Variants in NDUFA5 observed in about 807,000 individuals in gnomAD.
NDUFA5 encodes NADH:ubiquinone oxidoreductase subunit A5, also known as NADH dehydrogenase [ubiquinone] 1 alpha subcomplex subunit 5.
Under a neutral mutation model 19.8 loss-of-function variants are expected in NDUFA5, and 11 were observed. That is an observed-to-expected ratio of 0.56 (90% CI 0.35 to 0.92). The LOEUF is 0.92. Among genes scored for constraint, NDUFA5 ranks in the 40% least tolerant of loss-of-function variants. The pLI, the probability that NDUFA5 is intolerant of heterozygous loss-of-function variation, is 0.01. For missense variants in NDUFA5, 109 were observed against 134.2 expected, an observed-to-expected ratio of 0.81 and a Z score of 0.93; for synonymous variants, 47 against 46.8, an observed-to-expected ratio of 1.00 and a Z score of -0.01.
chr7:123,542,287 TGA>T, intron 4 of NDUFA5, 67 bp from the exon 5 acceptor site: 2 of 1,207,522 alleles, frequency 1.7e-6, no homozygotes, highest in Non-Finnish European at 2.4e-6. Context: ...TCAGAACAAC[TGA>T]AATTTAACTA....
At position 123,540,875 on chromosome 7, in the gene NDUFA5, T is replaced by TGTGCGC. The variant is rs1797905621; in HGVS notation, c.*1238_*1243dup. 7.5e-6 allele frequency: 1 copy of TGTGCGC among 133,996 alleles called. No individual in the cohort carries two copies. The highest frequency in any genetic ancestry group is 7.7e-5 in the Admixed American group (1 of 13,026). 8.3% of individuals were successfully genotyped at this position (133,996 alleles called of 1,614,324 possible). A position where few individuals can be genotyped will look rare whatever the true frequency, so the allele number is the denominator to read the frequency against. On this transcript the variant is annotated 3_prime_UTR_variant, in exon 5 of 5. Coordinates refer to ENST00000355749, the MANE Select transcript of NDUFA5 (RefSeq NM_005000.5). ...CCATTTTTTTCTCATTCTGAGCAAA[T>TGTGCGC]GTGCGCATGCGCGTGCACACACACA...
intron 3 of NDUFA5, among the ~76,000 whole-genome samples, chr7:123,547,286 A>G (rs1798167893): frequency 6.6e-6 from 1 of 152,184 alleles, no homozygotes; most frequent in Admixed American, 6.5e-5. Context: ...AAATTAATAC[A>G]TAGTGTAACA....
the NDUFA5 span, among the ~76,000 whole-genome samples, chr7:123,591,846 G>T: frequency 2.0e-5 from 3 of 151,992 alleles, no homozygotes; most frequent in African/African-American, 7.2e-5. Flanking sequence ...CTCTTTTTCT[G>T]TTGATTGAAA....
chr7:123,561,927 G>A (rs149503114), upstream of NDUFA5, among the ~76,000 whole-genome samples: 25 of 151,926 alleles, frequency 1.6e-4, no homozygotes, highest in African/African-American at 5.8e-4. Flanking sequence ...ATAGCATCTA[G>A]TGTGGTCAGT....
At chr7:123,562,111 GT>G (rs1362402383), upstream of NDUFA5, among the ~76,000 whole-genome samples, 1 of 152,090 alleles carries the variant, frequency 6.6e-6, no homozygotes, top group Non-Finnish European at 1.5e-5. Flanking sequence ...TGAAAACAAT[GT>G]TAATCTCTTT....
chr7:123,589,562 T>C, the NDUFA5 span, among the ~76,000 whole-genome samples: 12 of 152,010 alleles, frequency 7.9e-5, no homozygotes, highest in African/African-American at 2.4e-4. Flanking sequence ...TGAGTGAGAA[T>C]ATGCTGTGTT....
chr7:123,548,074 T>C (rs1286920001), intron 3 of NDUFA5, among the ~76,000 whole-genome samples: 1 of 152,082 alleles, frequency 6.6e-6, no homozygotes, highest in Admixed American at 6.6e-5. Context: ...TTCACCAAAA[T>C]AGTACTATCT....
chr7:123,560,907 A>G (rs949999588), upstream of NDUFA5, among the ~76,000 whole-genome samples: 2 of 152,244 alleles, frequency 1.3e-5, no homozygotes, highest in Non-Finnish European at 2.9e-5. Flanking sequence ...CTAGTCTATT[A>G]TAGCAATGAA....
chr7:123,570,746 C>T, the NDUFA5 span, among the ~76,000 whole-genome samples: 1 of 152,206 alleles, frequency 6.6e-6, no homozygotes, highest in Non-Finnish European at 1.5e-5. Flanking sequence ...CTGTTCCTAA[C>T]TTGGGTCAAG....
intron 1 of NDUFA5, 54 bp from the exon 2 acceptor site, chr7:123,557,502 A>G: frequency 1.2e-6 from 2 of 1,612,872 alleles, no homozygotes; most frequent in Non-Finnish European, 1.7e-6. Flanking sequence ...CCATACATCC[A>G]GCACGCTAAG....
chr7:123,597,916 TCGTG>T, the NDUFA5 span, among the ~76,000 whole-genome samples: 121 of 78,688 alleles, frequency 1.5e-3, 1 homozygote, highest in Admixed American at 9.8e-3. Flanking sequence ...TTTTCAAACT[TCGTG>T]TGTGTGTGTG....
At chr7:123,554,008 C>T (rs1366283604) in intron 2 of NDUFA5, among the ~76,000 whole-genome samples, 1 of 152,116 alleles carries the variant, frequency 6.6e-6, no homozygotes, top group Non-Finnish European at 1.5e-5. Flanking sequence ...AACTGAATGG[C>T]AGAAAATACA....
chr7:123,550,672 A>G, intron 2 of NDUFA5, 86 bp from the exon 3 acceptor site: 3 of 812,946 alleles, frequency 3.7e-6, no homozygotes, highest in Non-Finnish European at 3.9e-6. Flanking sequence ...CAAAACAAAC[A>G]AAACTCACAT....
chr7:123,539,392 T>C lies in NDUFA5; in HGVS notation c.*2727A>G, dbSNP rs1229476145. ...TGGAATCGTCTGCACTAAGTCCCAGTGTGGGAGAAAGGGGGCATCAACTTT... is the reference window on the plus strand; with the variant it reads ...TGGAATCGTCTGCACTAAGTCCCAGCGTGGGAGAAAGGGGGCATCAACTTT... On this transcript the variant is annotated 3_prime_UTR_variant, in exon 5 of 5. Transcript: ENST00000355749. 1.3e-5 allele frequency: 2 copies of C among 152,162 alleles called. No homozygotes were observed. The highest frequency in any genetic ancestry group is 2.9e-5 in the Non-Finnish European group (2 of 68,018). The allele number at this position is 152,162 out of a possible 1,614,324, so 9.4% of individuals were successfully genotyped here. A position where few individuals can be genotyped will look rare whatever the true frequency, so the allele number is the denominator to read the frequency against.
At position 123,538,116 on chromosome 7, in the gene NDUFA5, T is replaced by C. The variant is rs1270008625; in HGVS notation, c.*4003A>G. On this transcript the variant is annotated 3_prime_UTR_variant, in exon 5 of 5. Transcript: ENST00000355749. ...TTGTTTCTTTTTTTTTATTCCTATG[T>C]GTAATTTACCATGTTCCAATTCCCC... The C allele has an allele frequency of 1.3e-5, 2 of 152,182 alleles. No individual in the cohort carries two copies. Among genetic ancestry groups the C allele is most frequent in the Non-Finnish European group, 2.9e-5 (2 of 68,032 alleles). The allele number at this position is 152,182 out of a possible 1,614,324, so 9.4% of individuals were successfully genotyped here. A position where few individuals can be genotyped will look rare whatever the true frequency, so the allele number is the denominator to read the frequency against.
At chr7:123,557,914 G>T, upstream of NDUFA5, 1 of 1,564,722 alleles carries the variant, frequency 6.4e-7, no homozygotes, top group Non-Finnish European at 8.7e-7. Flanking sequence ...ACCCCTTCAG[G>T]ATCGCCAAAG....
chr7:123,572,656 C>A, the NDUFA5 span, among the ~76,000 whole-genome samples: 1 of 150,926 alleles, frequency 6.6e-6, no homozygotes, highest in South Asian at 2.1e-4. Context: ...ATTATTACCC[C>A]ACGGTTTTTT....
At chr7:123,568,739 A>G in the NDUFA5 span, among the ~76,000 whole-genome samples, 3 of 152,150 alleles carry the variant, frequency 2.0e-5, no homozygotes, top group Non-Finnish European at 2.9e-5. Context: ...ATAAATATGC[A>G]TTATTAATGT....
At chr7:123,556,837 T>C (rs1798566940) in intron 2 of NDUFA5, 1 of 510,426 alleles carries the variant, frequency 2.0e-6, no homozygotes, top group African/African-American at 2.0e-5. Flanking sequence ...CAAGGGTGAC[T>C]GAGTGCATTC....
Sources: allele counts gnomAD v4.1 joint callset (sites outside exome capture counted in the v4.1 genomes callset), GRCh38; gene constraint gnomAD v4.1.1; transcripts MANE v1.5; gene names NCBI Gene and HGNC (gene_info 2026-07-23, HGNC 2026-07-21).